Variants in PRPF31 observed in about 807,000 individuals in gnomAD.
PRPF31 encodes U4/U6 small nuclear ribonucleoprotein Prp31.
In PRPF31, 12 loss-of-function variants were observed where a neutral mutation model predicts 60.4. The ratio of observed to expected loss-of-function variants is 0.20; its 90% CI spans 0.13 to 0.32. The LOEUF is 0.32. PRPF31 is among the 10% of genes least tolerant of loss of function. The pLI is 1.00. For synonymous variants in PRPF31, 287 were observed against 287.9 expected (o/e 1.00, Z 0.03); for missense variants, 431 against 687.1 (o/e 0.63, Z 4.17).
chr19:54,116,594 C>T (rs1046523555), intron 1 of PRPF31, among the ~76,000 whole-genome samples: 4 of 152,170 alleles, frequency 2.6e-5, no homozygotes, highest in African/African-American at 9.7e-5. Flanking sequence ...TGTTCGCTAC[C>T]CTCTTAGAGC....
intron 4 of PRPF31, 153 bp downstream of exon 4, chr19:54,122,096 G>A (rs2073805763): frequency 1.2e-6 from 1 of 844,244 alleles, no homozygotes; most frequent in Admixed American, 2.0e-5. Flanking sequence ...TAAGAAGGAA[G>A]TGCGTTCTCT....
intron 5 of PRPF31, chr19:54,122,871 A>G: frequency 3.5e-6 from 2 of 574,524 alleles, no homozygotes; most frequent in Non-Finnish European, 6.3e-6. Flanking sequence ...TTGACATCCG[A>G]AGGTTGACAC....
chr19:54,122,225 C>A (rs1174305682), intron 4 of PRPF31: 8 of 620,130 alleles, frequency 1.3e-5, no homozygotes, highest in Non-Finnish European at 8.6e-6. Context: ...GACTGCCCCA[C>A]CTCCAGCCAT....
Position 54,124,108 on chromosome 19 carries a change from A to G in PRPF31, c.697+190A>G, listed in dbSNP as rs373541664. On this transcript the variant is annotated intron_variant, in intron 7 of 13. Coordinates refer to ENST00000321030, the MANE Select transcript of PRPF31 (RefSeq NM_015629.4). The stretch of plus-strand genomic sequence containing the variant: ...ATCTGTGGGAAAAACACTCACCCAC[A>G]GCTCCTTCTCCCTCCCCTGTGCCGG... 75 of 1,220,910 alleles carry G rather than the reference A, an allele frequency of 6.1e-5. No individual in the cohort carries two copies. The East Asian group carries it at 1.0e-3, about 17-fold the overall frequency. 75.6% of individuals were successfully genotyped at this position (1,220,910 alleles called of 1,614,324 possible). A position where few individuals can be genotyped will look rare whatever the true frequency, so the allele number is the denominator to read the frequency against.
At chr19:54,117,977 G>A (rs747724499) in intron 1 of PRPF31, among the ~76,000 whole-genome samples, 4 of 152,180 alleles carry the variant, frequency 2.6e-5, no homozygotes, top group African/African-American at 2.4e-5. Flanking sequence ...TGTTTTCAAG[G>A]CTAAAGGCAA....
chr19:54,124,825 C>A, intron 8 of PRPF31, 169 bp downstream of exon 8: 1 of 759,132 alleles, frequency 1.3e-6, no homozygotes, highest in Non-Finnish European at 2.2e-6. Context: ...AGACCAGCTC[C>A]AGCACCCACC....
intron 1 of PRPF31, among the ~76,000 whole-genome samples, chr19:54,117,737 G>A (rs1158694239): frequency 6.6e-6 from 1 of 151,730 alleles, no homozygotes; most frequent in African/African-American, 2.4e-5. Flanking sequence ...TGTAGTCCCA[G>A]CTACTCAGGA....
intron 13 of PRPF31, among the ~76,000 whole-genome samples, chr19:54,129,638 G>C (rs1317895035): frequency 3.0e-5 from 4 of 133,392 alleles, no homozygotes; most frequent in Non-Finnish European, 6.4e-5. Flanking sequence ...TTCCTCTGTC[G>C]GGCTGTGAGC....
At chr19:54,127,367 C>G (rs1360437678) in intron 9 of PRPF31, among the ~76,000 whole-genome samples, 1 of 152,186 alleles carries the variant, frequency 6.6e-6, no homozygotes, top group East Asian at 1.9e-4. Flanking sequence ...GACTCTGCTT[C>G]TGTCTTCATA....
chr19:54,126,408 G>A lies in PRPF31; in HGVS notation c.856-120G>A, dbSNP rs2073921637. On this transcript the variant is annotated intron_variant, in intron 8 of 13. Transcript: ENST00000321030. ...GAGCACACACCTCTAGAGCCCAAGG[G>A]TGGAAAGCCCCCTTCCAGGACCCCA... 9.0e-6 allele frequency: 8 copies of A among 890,606 alleles called. 1 individual carries two copies. Among genetic ancestry groups the A allele is most frequent in the South Asian group, 2.8e-5 (2 of 70,894 alleles). The allele number at this position is 890,606 out of a possible 1,614,324, so 55.2% of individuals were successfully genotyped here.
intron 8 of PRPF31, among the ~76,000 whole-genome samples, chr19:54,125,996 C>G (rs1390381602): frequency 6.6e-6 from 1 of 152,258 alleles, no homozygotes; most frequent in East Asian, 1.9e-4. Context: ...GTAGACACCA[C>G]AGGCCTGTAA....
At chr19:54,126,692 A>C in intron 9 of PRPF31, 75 bp downstream of exon 9, 2 of 1,397,518 alleles carry the variant, frequency 1.4e-6, no homozygotes, top group Non-Finnish European at 1.0e-6. Context: ...GGAGACCCTC[A>C]GCAGGGAGCC....
Position 54,129,101 on chromosome 19 carries a change from C to T in PRPF31, c.1191C>T (p.Gly397=). 1 of 1,580,856 alleles carries T rather than the reference C, an allele frequency of 6.3e-7. No homozygotes were observed. Among genetic ancestry groups the T allele is most frequent in the South Asian group, 1.2e-5 (1 of 86,518 alleles). ...AGGAGGACCTGGGATTCAGCCTGGG[C>T]CACCTGGGCAAGTCGGGCAGTGGGC... ...AYQEDLGFSL[G]HLGKSGSGRV... Residue 397 remains glycine, a synonymous_variant, in exon 12 of 14, where the codon GGC becomes GGT. Transcript: ENST00000321030.
Position 54,131,688 on chromosome 19 carries a change from G to T in PRPF31, c.*256G>T. ...TGAGAAAGGAGATTTTTTGAAAAGA[G>T]TACAATTAAAAGGACATTGTCAAGA... On this transcript the variant is annotated 3_prime_UTR_variant, in exon 14 of 14. Coordinates refer to ENST00000321030, the MANE Select transcript of PRPF31 (RefSeq NM_015629.4). The T allele has an allele frequency of 1.7e-6, 1 of 587,728 alleles. No homozygotes were observed. Among genetic ancestry groups the T allele is most frequent in the South Asian group, 2.0e-5 (1 of 50,566 alleles). 36.4% of individuals were successfully genotyped at this position (587,728 alleles called of 1,614,324 possible).
intron 1 of PRPF31, among the ~76,000 whole-genome samples, chr19:54,117,567 C>T (rs1343983624): frequency 2.0e-5 from 3 of 151,882 alleles, no homozygotes; most frequent in African/African-American, 7.3e-5. Context: ...GCCCCTGCGG[C>T]GAGGCGCGGT....
chr19:54,130,994 C>T (rs2074036285), intron 13 of PRPF31, among the ~76,000 whole-genome samples: 1 of 152,206 alleles, frequency 6.6e-6, no homozygotes, highest in East Asian at 1.9e-4. Context: ...GGACCTCGGG[C>T]CAGCCATGTC....
rs587735461 is a variant in PRPF31, at chr19:54,123,689, G to A, written c.528-60G>A. 7.5e-4 allele frequency: 1,202 copies of A among 1,592,376 alleles called. 4 individuals carry two copies. Among genetic ancestry groups the A allele is most frequent in the Non-Finnish European group, 6.1e-4 (717 of 1,171,882 alleles). On this transcript the variant is annotated intron_variant, in intron 6 of 13. Coordinates refer to ENST00000321030, the MANE Select transcript of PRPF31 (RefSeq NM_015629.4). ...ACACACACACAGAACCGAGAGGGCT[G>A]GGGCTGGGCACACCAGGCAGGCGGG...
At position 54,131,436 on chromosome 19, in the gene PRPF31, ACTG is replaced by A. The variant is rs2074045292; in HGVS notation, c.*6_*8del. 1 of 1,614,036 alleles carries A rather than the reference ACTG, an allele frequency of 6.2e-7. No individual in the cohort carries two copies. Among genetic ancestry groups the A allele is most frequent in the African/African-American group, 1.3e-5 (1 of 75,072 alleles). ...GAGTGGCCTTATGTCCACCTGAATG[ACTG>A]CGTGTGTCCAAGGTGGCTTCCCACT... On this transcript the variant is annotated 3_prime_UTR_variant, in exon 14 of 14. Transcript: ENST00000321030.
rs1266945091 is a variant in PRPF31, at chr19:54,131,596, C to T, written c.*164C>T. The T allele has an allele frequency of 4.6e-6, 5 of 1,083,460 alleles. No individual in the cohort carries two copies. The highest frequency in any genetic ancestry group is 6.8e-6 in the Non-Finnish European group (5 of 737,088). 67.1% of individuals were successfully genotyped at this position (1,083,460 alleles called of 1,614,324 possible). A position where few individuals can be genotyped will look rare whatever the true frequency, so the allele number is the denominator to read the frequency against. On this transcript the variant is annotated 3_prime_UTR_variant, in exon 14 of 14. Transcript: ENST00000321030. ...CTTGGAAGAGTCCGGCCTGGCCTCC[C>T]CCAGGACCGAGATCACCGCCCAGTA... is the stretch of plus-strand genomic sequence containing the variant.
Sources: allele counts gnomAD v4.1 joint callset (sites outside exome capture counted in the v4.1 genomes callset), GRCh38; gene constraint gnomAD v4.1.1; transcripts MANE v1.5; gene names NCBI Gene and HGNC (gene_info 2026-07-23, HGNC 2026-07-21).